NEGR1: variants seen among roughly 807,000 people sequenced by gnomAD.
The protein encoded by NEGR1 is IgLON family member 4.
NEGR1 carries 10 observed loss-of-function variants against 40.9 expected under a neutral mutation model. The observed-to-expected ratio is 0.24, with a 90% CI of 0.15 to 0.42. The LOEUF is 0.42. Among genes scored for constraint, NEGR1 ranks in the 10% least tolerant of loss-of-function variants. NEGR1 has a pLI of 1.00. For missense variants in NEGR1, 352 were observed against 438.9 expected (o/e 0.80, Z 1.77); for synonymous variants, 185 against 166.8 (o/e 1.11, Z -0.84).
intron 1 of NEGR1, among the ~76,000 whole-genome samples, chr1:72,205,933 ACT>A (rs1229129276): frequency 6.9e-6 from 1 of 145,258 alleles, no homozygotes; most frequent in Admixed American, 6.9e-5. Flanking sequence ...AAAGAGCAGG[ACT>A]CTGTCTCAAA....
At chr1:72,138,853 T>G (rs1650567411) in intron 1 of NEGR1, among the ~76,000 whole-genome samples, 1 of 152,004 alleles carries the variant, frequency 6.6e-6, no homozygotes, top group Non-Finnish European at 1.5e-5. Flanking sequence ...CAACTTTATA[T>G]AATTTCACAT....
rs550361262 is a variant in NEGR1, at chr1:71,486,149, T to C, written c.941-78579A>G. Among the ~76,000 whole-genome samples the C allele has an allele frequency of 2.6e-5, 4 of 151,784 alleles. No individual in the cohort carries two copies. In the East Asian group the frequency reaches 7.8e-4, roughly 30 times the overall value. ...TCTAGATTTCGGCCATTCTAGTAAG[T>C]GTGTAGTGGTATCTCACTGTTGCTT... On this transcript the variant is annotated intron_variant, in intron 6 of 6. Transcript: ENST00000357731.
chr1:72,119,242 C>T (rs986246626), intron 1 of NEGR1, among the ~76,000 whole-genome samples: 3 of 151,770 alleles, frequency 2.0e-5, no homozygotes, highest in Non-Finnish European at 4.4e-5. Context: ...AATTCATATG[C>T]TAATAGTTGA....
chr1:71,721,169 C>A (rs1043537628), intron 3 of NEGR1, among the ~76,000 whole-genome samples: 14 of 152,010 alleles, frequency 9.2e-5, no homozygotes, highest in African/African-American at 3.4e-4. Flanking sequence ...GCTTGGCCAC[C>A]CACCTACCCT....
intron 3 of NEGR1, among the ~76,000 whole-genome samples, chr1:71,731,638 C>A (rs1368457836): frequency 6.6e-6 from 1 of 152,026 alleles, no homozygotes; most frequent in South Asian, 2.1e-4. Flanking sequence ...CATCTTTTTT[C>A]TTGGCTGTTC....
intron 6 of NEGR1, among the ~76,000 whole-genome samples, chr1:71,581,769 C>A (rs751413113): frequency 1.3e-4 from 20 of 148,276 alleles, no homozygotes; most frequent in Non-Finnish European, 2.4e-4. Context: ...GTGGCGTGTT[C>A]TCGGCTCACT....
chr1:71,547,084 T>C (rs1415916115), intron 6 of NEGR1, among the ~76,000 whole-genome samples: 1 of 151,786 alleles, frequency 6.6e-6, no homozygotes, highest in Admixed American at 6.6e-5. Flanking sequence ...TATGACCTTA[T>C]TGAACTGGGG....
At chr1:72,001,194 A>C (rs373465110) in intron 1 of NEGR1, among the ~76,000 whole-genome samples, 46 of 152,150 alleles carry the variant, frequency 3.0e-4, no homozygotes, top group South Asian at 1.9e-3. Flanking sequence ...TTCAACTGTG[A>C]AATGGCAACC....
intron 6 of NEGR1, among the ~76,000 whole-genome samples, chr1:71,463,093 A>T (rs1646724351): frequency 6.6e-6 from 1 of 152,158 alleles, no homozygotes; most frequent in South Asian, 2.1e-4. Flanking sequence ...TTGGTTGAAC[A>T]AAGAAGAGAC....
rs1646235892 is a variant in NEGR1 at position 71,399,873 on chromosome 1, GA to G, written c.*7572del. Reference sequence around the variant, plus strand: ...CTGTGGCTCTTACTAGGTATTTTTAGAACAATCAAGAGAATTTTGTTCCTTA... The same window carrying G: ...CTGTGGCTCTTACTAGGTATTTTTAGACAATCAAGAGAATTTTGTTCCTTA... On this transcript the variant is annotated 3_prime_UTR_variant, in exon 7 of 7. Coordinates refer to ENST00000357731, the MANE Select transcript of NEGR1 (RefSeq NM_173808.3). 2.0e-5 allele frequency: 3 copies of G among 152,274 alleles called. No individual in the cohort carries two copies. The South Asian group carries it at 6.2e-4, about 32-fold the overall frequency. 9.4% of individuals were successfully genotyped at this position (152,274 alleles called of 1,614,324 possible). A position where few individuals can be genotyped will look rare whatever the true frequency, so the allele number is the denominator to read the frequency against.
chr1:71,743,835 C>T (rs1215267961), intron 3 of NEGR1, among the ~76,000 whole-genome samples: 1 of 152,144 alleles, frequency 6.6e-6, no homozygotes, highest in Non-Finnish European at 1.5e-5. Flanking sequence ...TTGAATTGTC[C>T]TCCCTTAGTC....
intron 3 of NEGR1, among the ~76,000 whole-genome samples, 178 bp downstream of exon 3, chr1:71,775,994 A>AAAATAAATAAATAAAT (rs34165866): frequency 7.1e-6 from 1 of 141,742 alleles, no homozygotes; most frequent in Non-Finnish European, 1.5e-5. Context: ...CTCTGTCTCA[A>AAAATAAATAAATAAAT]AAATAAATAA....
chr1:71,650,095 A>G (rs1456088228), intron 4 of NEGR1, among the ~76,000 whole-genome samples: 1 of 141,210 alleles, frequency 7.1e-6, no homozygotes, highest in Non-Finnish European at 1.5e-5. Flanking sequence ...TAAATCTGAT[A>G]CTGCAGATTT....
chr1:71,997,808 T>C (rs546808520), intron 1 of NEGR1, among the ~76,000 whole-genome samples: 17 of 152,134 alleles, frequency 1.1e-4, no homozygotes, highest in African/African-American at 4.1e-4. Context: ...TAATATTCAA[T>C]GAGCTAAGCC....
At chr1:72,243,494 G>A (rs567622846) in intron 1 of NEGR1, among the ~76,000 whole-genome samples, 70 of 151,806 alleles carry the variant, frequency 4.6e-4, no homozygotes, top group African/African-American at 1.5e-3. Flanking sequence ...TAAAATAAAA[G>A]TTGGAAATAA....
chr1:71,572,490 C>T (rs971210623), intron 6 of NEGR1, among the ~76,000 whole-genome samples: 2 of 152,220 alleles, frequency 1.3e-5, no homozygotes, highest in African/African-American at 4.8e-5. Flanking sequence ...TGCACATTAA[C>T]TCTTCTCACT....
intron 1 of NEGR1, among the ~76,000 whole-genome samples, chr1:72,063,785 T>G (rs1647213468): frequency 6.6e-6 from 1 of 151,966 alleles, no homozygotes; most frequent in Non-Finnish European, 1.5e-5. Context: ...ATCATGACTA[T>G]TAAGCCCTCA....
At chr1:71,553,026 G>GA (rs1197742535) in intron 6 of NEGR1, among the ~76,000 whole-genome samples, 1 of 151,222 alleles carries the variant, frequency 6.6e-6, no homozygotes, top group African/African-American at 2.4e-5. Flanking sequence ...TCGTTCCACA[G>GA]AAAAATTGAG....
At chr1:71,888,525 G>A (rs1475010438) in intron 2 of NEGR1, among the ~76,000 whole-genome samples, 4 of 151,152 alleles carry the variant, frequency 2.6e-5, no homozygotes, top group Admixed American at 6.6e-5. Flanking sequence ...AAAAAACGGC[G>A]CACCACGAGA....
Sources: allele counts gnomAD v4.1 joint callset (sites outside exome capture counted in the v4.1 genomes callset), GRCh38; gene constraint gnomAD v4.1.1; transcripts MANE v1.5; gene names NCBI Gene and HGNC (gene_info 2026-07-23, HGNC 2026-07-21).